The following TTC21A variants were observed in gnomAD, a reference collection of about 807,000 sequenced individuals.
TTC21A encodes tetratricopeptide repeat domain 21A, also known as tetratricopeptide repeat protein 21A.
In TTC21A, 128 loss-of-function variants were observed where a neutral mutation model predicts 156.4. The observed-to-expected ratio is 0.82, with a 90% CI of 0.71 to 0.95. The LOEUF is 0.95. TTC21A is among the 40% of genes least tolerant of loss of function. The pLI, the probability that TTC21A is intolerant of heterozygous loss-of-function variation, is 0.00. For synonymous variants in TTC21A, 587 were observed against 617.1 expected (o/e 0.95, Z 0.72); for missense variants, 1,435 against 1,602.3 (o/e 0.90, Z 1.78).
At chr3:39,110,473 T>G (rs2036715920) in intron 3 of TTC21A, 5 of 499,556 alleles carry the variant, frequency 1.0e-5, no homozygotes, top group Non-Finnish European at 1.8e-5. Flanking sequence ...ACCCCTAATC[T>G]CCACATTTCT....
At chr3:39,120,294 C>G (rs1290909679) in intron 8 of TTC21A, among the ~76,000 whole-genome samples, 1 of 152,132 alleles carries the variant, frequency 6.6e-6, no homozygotes, top group Non-Finnish European at 1.5e-5. Context: ...GTGGGCTGTG[C>G]CTTATTTGGG....
At chr3:39,114,514 C>A (rs1004741180) in intron 5 of TTC21A, 71 bp from the exon 6 acceptor site, 1 of 1,490,820 alleles carries the variant, frequency 6.7e-7, no homozygotes, top group Non-Finnish European at 9.3e-7. Context: ...GACACAGAGA[C>A]AACCCCCCTC....
At chr3:39,136,681 C>A in intron 23 of TTC21A, 174 bp downstream of exon 23, 2 of 1,008,672 alleles carry the variant, frequency 2.0e-6, no homozygotes, top group Non-Finnish European at 2.8e-6. Context: ...TCAGGGAGAG[C>A]CTGCAGCCTC....
intron 22 of TTC21A, among the ~76,000 whole-genome samples, chr3:39,135,889 C>A (rs188872086): frequency 3.3e-5 from 5 of 152,044 alleles, no homozygotes; most frequent in African/African-American, 7.2e-5. Flanking sequence ...CCTGTCTCTA[C>A]TAAAAATACA....
At chr3:39,125,194 G>C (rs778362361) in intron 10 of TTC21A, 34 bp downstream of exon 10, 1 of 1,569,532 alleles carries the variant, frequency 6.4e-7, no homozygotes, top group African/African-American at 1.3e-5. Flanking sequence ...GTTGCTCCAG[G>C]ATGATGTCCT....
At chr3:39,125,229 C>A in intron 10 of TTC21A, 69 bp downstream of exon 10, 2 of 1,538,092 alleles carry the variant, frequency 1.3e-6, no homozygotes, top group Non-Finnish European at 1.8e-6. Context: ...CCCCCACTTT[C>A]CAATAGAAAG....
At chr3:39,121,210 G>A (rs1179903694) in intron 9 of TTC21A, 21 bp downstream of exon 9, 6 of 1,596,626 alleles carry the variant, frequency 3.8e-6, no homozygotes, top group Non-Finnish European at 5.1e-6. Flanking sequence ...GTGTGGCAGG[G>A]CTCAGGGATG....
chr3:39,120,187 T>G (rs1575518320), intron 8 of TTC21A, among the ~76,000 whole-genome samples, 167 bp downstream of exon 8: 3 of 152,216 alleles, frequency 2.0e-5, no homozygotes, highest in African/African-American at 7.2e-5. Context: ...TGCCTCTGGC[T>G]GATAACTGTG....
Position 39,126,379 on chromosome 3 carries a change from G to T in TTC21A, c.1511G>T (p.Arg504Met). Residue 504 changes from arginine (R) to methionine (M), a missense_variant, in exon 12 of 29, where the codon AGG (arginine) becomes ATG (methionine). Physicochemically the swap from Arg to Met is moderately conservative, Grantham distance 91. Transcript: ENST00000683103. ...IDPLYLMAQV[R>M]YYSGELENAQ... ...CCCCTGTATTTGATGGCTCAGGTCA[G>T]GTATTACTCAGGTGAGCGGGGGATC... The T allele has an allele frequency of 6.2e-7, 1 of 1,613,630 alleles. No homozygotes were observed. The highest frequency in any genetic ancestry group is 8.5e-7 in the Non-Finnish European group (1 of 1,179,816).
In TTC21A at chr3:39,136,538, C is replaced by T. The variant is rs746983329; in HGVS notation, c.3095+31C>T. Reference sequence around the variant, plus strand: ...TTGGGTGTGGTGTGTTGAGGGGCAGCTGTGTGCAGGAAGCCCTACTGGCAG... The same window carrying T: ...TTGGGTGTGGTGTGTTGAGGGGCAGTTGTGTGCAGGAAGCCCTACTGGCAG... On this transcript the variant is annotated intron_variant, in intron 23 of 28. Coordinates refer to ENST00000683103, the MANE Select transcript of TTC21A (RefSeq NM_001366900.1). The T allele has an allele frequency of 3.7e-6, 6 of 1,606,874 alleles. No individual in the cohort carries two copies. The Admixed American group carries it at 6.7e-5, about 18-fold the overall frequency.
Position 39,110,874 on chromosome 3 carries a change from G to T in TTC21A, c.292G>T (p.Glu98Ter). Residue 98 changes from glutamate (E) to a stop codon, truncating the protein, a stop_gained, in exon 4 of 29, where the codon GAG becomes TAG. Coordinates refer to ENST00000683103, the MANE Select transcript of TTC21A (RefSeq NM_001366900.1). LOFTEE classifies it high-confidence loss of function. Reference protein sequence around the residue: ...IIDREAIQELEYSLKEIRKTV... With the variant: ...IIDREAIQEL Reference sequence around the variant, plus strand: ...AGACCGAGAAGCAATTCAGGAGCTTGAGTACAGCCTGAAGGAAATACGCAA... The same window carrying T: ...AGACCGAGAAGCAATTCAGGAGCTTTAGTACAGCCTGAAGGAAATACGCAA... 6.2e-7 allele frequency: 1 copy of T among 1,613,960 alleles called. No homozygotes were observed. The highest frequency in any genetic ancestry group is 1.1e-5 in the South Asian group (1 of 91,064).
At chr3:39,128,242 A>G (rs2038425298) in intron 12 of TTC21A, 89 bp from the exon 13 acceptor site, 3 of 1,409,684 alleles carry the variant, frequency 2.1e-6, no homozygotes, top group East Asian at 2.3e-5. Flanking sequence ...TCTGGGGAAC[A>G]GGACATGTAA....
chr3:39,108,426 C>G (rs539310551), intron 1 of TTC21A: 9 of 155,874 alleles, frequency 5.8e-5, no homozygotes, highest in Middle Eastern at 3.3e-3. Flanking sequence ...GCACACACCC[C>G]CCACATGCAA....
intron 6 of TTC21A, 141 bp from the exon 7 acceptor site, chr3:39,117,928 T>G: frequency 1.4e-6 from 1 of 689,738 alleles, no homozygotes; most frequent in Non-Finnish European, 2.6e-6. Context: ...CTGAGCAGCT[T>G]GTGCCTGGCT....
In TTC21A at chr3:39,136,366, T is replaced by C. The variant is rs1449632384; in HGVS notation, c.2954T>C (p.Leu985Ser). 6.2e-7 allele frequency: 1 copy of C among 1,611,320 alleles called. No individual in the cohort carries two copies. Among genetic ancestry groups the C allele is most frequent in the African/African-American group, 1.3e-5 (1 of 74,710 alleles). ...QVLEKAPDNFLVLHKLIDLLR... is the reference protein window; with the variant it reads ...QVLEKAPDNFSVLHKLIDLLR... ...CTGTCTCTTATTTTAGACAATTTTT[T>C]GGTATTGCATAAATTAATCGATCTG... The change falls in exon 23 of 29, where the codon TTG becomes TCG. Residue 985 changes from leucine (L) to serine (S), a missense_variant. Physicochemically the swap from Leu to Ser is moderately radical, Grantham distance 145. Transcript: ENST00000683103.
chr3:39,120,081 C>A, intron 8 of TTC21A, 61 bp downstream of exon 8: 2 of 1,261,420 alleles, frequency 1.6e-6, no homozygotes, highest in South Asian at 1.2e-5. Context: ...TAGAGGAGAA[C>A]TGTGCTCCCC....
rs546976659 is a variant in TTC21A, at chr3:39,134,078, C to T, written c.2752-140C>T. The T allele has an allele frequency of 1.1e-5, 8 of 697,536 alleles. No individual in the cohort carries two copies. The highest frequency in any genetic ancestry group is 2.5e-5 in the East Asian group (1 of 40,342). The allele number at this position is 697,536 out of a possible 1,614,324, so 43.2% of individuals were successfully genotyped here. A position where few individuals can be genotyped will look rare whatever the true frequency, so the allele number is the denominator to read the frequency against. ...GCATGGGAGAAGGGGAAGGCCAGGA[C>T]GTTCACGTGGGGAATTCGAGACATA... On this transcript the variant is annotated intron_variant, in intron 20 of 28. Coordinates refer to ENST00000683103, the MANE Select transcript of TTC21A (RefSeq NM_001366900.1). The surrounding 1 kb of genome is among the most constrained non-coding windows in gnomAD (Gnocchi z 4.6).
rs1575548123 is a variant in TTC21A at position 39,130,621 on chromosome 3, A to G, written c.2320-80A>G. ...TGTTCTGGAGGGGCACACTGGTGTG[A>G]TGGCTGCTGAGGGGAACATGGTGTC... is the stretch of plus-strand genomic sequence containing the variant. On this transcript the variant is annotated intron_variant, in intron 17 of 28. Coordinates refer to ENST00000683103, the MANE Select transcript of TTC21A (RefSeq NM_001366900.1). This position sits in a 1 kb window ranked among gnomAD's most constrained non-coding sequence, Gnocchi z 4.5. 28 of 1,559,900 alleles carry G rather than the reference A, an allele frequency of 1.8e-5. No homozygotes were observed. In the East Asian group the frequency reaches 6.3e-4, roughly 35 times the overall value.
At chr3:39,122,985 C>T (rs1031289029) in intron 9 of TTC21A, among the ~76,000 whole-genome samples, 5 of 152,176 alleles carry the variant, frequency 3.3e-5, no homozygotes, top group African/African-American at 9.7e-5. Flanking sequence ...TGCTGCCCTT[C>T]CTTTATAAAT....
Sources: allele counts gnomAD v4.1 joint callset (sites outside exome capture counted in the v4.1 genomes callset), GRCh38; gene constraint gnomAD v4.1.1; non-coding constraint Gnocchi (gnomAD v3.1); transcripts MANE v1.5; gene names NCBI Gene and HGNC (gene_info 2026-07-23, HGNC 2026-07-21).